ANK2: variants seen among roughly 807,000 people sequenced by gnomAD.
ANK2 encodes ankyrin 2.
In ANK2, 83 loss-of-function variants were observed where a neutral mutation model predicts 360.5. The observed-to-expected ratio is 0.23, with a 90% CI of 0.19 to 0.28. The LOEUF (loss-of-function observed/expected upper bound fraction) is 0.28. ANK2 is among the 10% of genes least tolerant of loss of function. The pLI is 1.00. For synonymous variants in ANK2, 1,740 were observed against 1,759.5 expected, an observed-to-expected ratio of 0.99 and a Z score of 0.28; for missense variants, 4,201 against 4,795.7, an observed-to-expected ratio of 0.88 and a Z score of 3.66.
chr4:113,232,155 C>A lies in ANK2; in HGVS notation c.385-6C>A, dbSNP rs199939848. On this transcript the variant is annotated splice_region_variant and splice_polypyrimidine_tract_variant and intron_variant, in intron 4 of 45. Transcript: ENST00000357077. ...GAAGGTGTCTTTTTTTATTGCTTGT[C>A]CTCAGAATGGCTTTACTCCTTTATA... is the stretch of plus-strand genomic sequence containing the variant. 1 of 1,557,516 alleles carries A rather than the reference C, an allele frequency of 6.4e-7. No individual in the cohort carries two copies. The highest frequency in any genetic ancestry group is 1.1e-5 in the South Asian group (1 of 89,870).
chr4:112,909,491 A>G (rs1561052347), intron 2 of ANK2, among the ~76,000 whole-genome samples: 1 of 152,136 alleles, frequency 6.6e-6, no homozygotes, highest in African/African-American at 2.4e-5. Flanking sequence ...ACTGTATTTT[A>G]TATGCAGTTC....
intron 4 of ANK2, among the ~76,000 whole-genome samples, chr4:113,230,652 C>G (rs1176780391): frequency 6.6e-6 from 1 of 152,118 alleles, no homozygotes; most frequent in African/African-American, 2.4e-5. Context: ...GTTTTGAGAC[C>G]TTATGAATTA....
chr4:112,871,430 G>T (rs761086767), intron 1 of ANK2, among the ~76,000 whole-genome samples: 1 of 152,200 alleles, frequency 6.6e-6, no homozygotes, highest in East Asian at 1.9e-4. Context: ...CAGGCAATCC[G>T]CCTGCCTTGG....
In ANK2 at chr4:112,904,586, G is replaced by A. The variant is rs1014742046; in HGVS notation, c.21+72G>A. ...GACACGGAGGTTAGAATGTAATTAA[G>A]TACTATTTTGGTAAAAACAATTTTT... On this transcript the variant is annotated intron_variant, in intron 2 of 30. Transcript: ENST00000503271. 3.4e-6 allele frequency: 4 copies of A among 1,186,740 alleles called. No individual in the cohort carries two copies. The African/African-American group carries it at 6.4e-5, about 19-fold the overall frequency. The allele number at this position is 1,186,740 out of a possible 1,614,324, so 73.5% of individuals were successfully genotyped here.
chr4:113,278,016 C>A, intron 16 of ANK2, 81 bp downstream of exon 16: 2 of 1,337,494 alleles, frequency 1.5e-6, no homozygotes, highest in Non-Finnish European at 2.1e-6. Flanking sequence ...TTTCTCACTT[C>A]TCTGAAAGGA....
At chr4:113,330,711 A>C (rs2092209097) in intron 27 of ANK2, among the ~76,000 whole-genome samples, 1 of 152,212 alleles carries the variant, frequency 6.6e-6, no homozygotes, top group Non-Finnish European at 1.5e-5. Context: ...TTGGATGTTA[A>C]TAATAGCTGC....
At chr4:113,294,275 G>C (rs1057021597) in intron 22 of ANK2, among the ~76,000 whole-genome samples, 2 of 152,122 alleles carry the variant, frequency 1.3e-5, no homozygotes, top group African/African-American at 4.8e-5. Context: ...CCTCCTGAGA[G>C]GGGGCTCCTA....
the ANK2 span, among the ~76,000 whole-genome samples, chr4:112,729,573 C>T: frequency 6.6e-6 from 1 of 151,766 alleles, no homozygotes; most frequent in African/African-American, 2.4e-5. Context: ...ATGGCAAAAC[C>T]CTGTCTCTAC....
At chr4:112,755,515 C>T in the ANK2 span, among the ~76,000 whole-genome samples, 7 of 152,172 alleles carry the variant, frequency 4.6e-5, no homozygotes, top group African/African-American at 1.7e-4. Flanking sequence ...TTTGGAGTAA[C>T]GTTTTGCGGG....
chr4:113,209,524 GT>G (rs1415270358), intron 4 of ANK2, among the ~76,000 whole-genome samples: 4 of 151,946 alleles, frequency 2.6e-5, no homozygotes, highest in African/African-American at 4.9e-5. Context: ...CACTCGCCCT[GT>G]ATAGCAATAC....
intron 1 of ANK2, among the ~76,000 whole-genome samples, chr4:113,063,617 A>T (rs766424268): frequency 7.2e-5 from 11 of 152,152 alleles, no homozygotes; most frequent in Non-Finnish European, 1.2e-4. Context: ...GCTGGCAGTT[A>T]TAGGTAGGTA....
intron 1 of ANK2, chr4:113,152,288 G>C (rs958844762): frequency 1.3e-5 from 2 of 152,196 alleles, no homozygotes; most frequent in Non-Finnish European, 2.9e-5. Flanking sequence ...GGTCGCCTGT[G>C]TGATGATGGA....
intron 14 of ANK2, among the ~76,000 whole-genome samples, chr4:113,274,003 G>A (rs966999477): frequency 4.6e-5 from 7 of 152,092 alleles, no homozygotes; most frequent in African/African-American, 1.7e-4. Context: ...TTGCTGAATG[G>A]AGTAAAATCA....
chr4:113,083,750 G>A (rs2083364273), intron 1 of ANK2, among the ~76,000 whole-genome samples: 1 of 152,098 alleles, frequency 6.6e-6, no homozygotes, highest in African/African-American at 2.4e-5. Context: ...TATTAAACTA[G>A]CCAACAGCAA....
the ANK2 span, among the ~76,000 whole-genome samples, chr4:112,715,354 G>A: frequency 2.6e-5 from 4 of 152,090 alleles, no homozygotes; most frequent in Non-Finnish European, 4.4e-5. Flanking sequence ...GGTAGGGGAC[G>A]TACATCCCAC....
chr4:113,198,793 C>G (rs1389671702), intron 3 of ANK2, among the ~76,000 whole-genome samples: 2 of 151,866 alleles, frequency 1.3e-5, no homozygotes, highest in Non-Finnish European at 2.9e-5. Context: ...TAACACTAAA[C>G]CAATATTGTG....
intron 2 of ANK2, among the ~76,000 whole-genome samples, chr4:113,012,028 A>G (rs1206695852): frequency 1.3e-5 from 2 of 151,972 alleles, no homozygotes; most frequent in African/African-American, 2.4e-5. Context: ...TTTAAAAGCA[A>G]CAACAACAAC....
At chr4:113,360,425 A>G (rs2096131679) in intron 38 of ANK2, among the ~76,000 whole-genome samples, 1 of 151,890 alleles carries the variant, frequency 6.6e-6, no homozygotes, top group Non-Finnish European at 1.5e-5. Context: ...ATCCCTCCAC[A>G]AGCAATAATA....
At chr4:112,780,219 T>C in the ANK2 span, among the ~76,000 whole-genome samples, 1 of 151,136 alleles carries the variant, frequency 6.6e-6, no homozygotes, top group Non-Finnish European at 1.5e-5. Context: ...GTGAAAACTC[T>C]GCAGCACTGG....
Sources: allele counts gnomAD v4.1 joint callset (sites outside exome capture counted in the v4.1 genomes callset), GRCh38; gene constraint gnomAD v4.1.1; transcripts MANE v1.5; gene names NCBI Gene and HGNC (gene_info 2026-07-23, HGNC 2026-07-21).